The following GAS2L3 variants were observed in gnomAD, a reference collection of about 807,000 sequenced individuals.
The protein encoded by GAS2L3 is growth arrest specific 2 like 3.
A neutral mutation model predicts 37.0 loss-of-function variants in GAS2L3; 28 were observed. The ratio of observed to expected loss-of-function variants is 0.76; its 90% CI spans 0.56 to 1.04. The LOEUF (loss-of-function observed/expected upper bound fraction) is 1.04. Ranked by LOEUF, GAS2L3 falls within the 50% of genes least tolerant of loss-of-function variation. GAS2L3 has a pLI of 0.00. For missense variants in GAS2L3, 793 were observed against 817.6 expected (o/e 0.97, Z 0.37); for synonymous variants, 290 against 296.6 (o/e 0.98, Z 0.23).
chr12:100,600,316 T>A lies in GAS2L3; in HGVS notation c.19-66T>A, dbSNP rs1372383467. On this transcript the variant is annotated intron_variant, in intron 3 of 9. Coordinates refer to ENST00000547754, the MANE Select transcript of GAS2L3 (RefSeq NM_174942.3). ...TTATGCTTCATCATTTAAATATTGA[T>A]GTGGATTATGATGACTTTTAGCAAA... 3.1e-6 allele frequency: 3 copies of A among 960,564 alleles called. No individual in the cohort carries two copies. The East Asian group carries it at 7.2e-5, about 23-fold the overall frequency. The allele number at this position is 960,564 out of a possible 1,614,324, so 59.5% of individuals were successfully genotyped here.
chr12:100,578,371 G>A lies in GAS2L3; in HGVS notation c.-152+4586G>A, dbSNP rs374826869. ...CTGTAAACATATAAATGAGTGAATG[G>A]ATGGATGAATGATAGATGTACAAAG... On this transcript the variant is annotated intron_variant, in intron 1 of 9. Transcript: ENST00000547754. 3.0e-4 allele frequency among the ~76,000 whole-genome samples: 45 copies of A among 152,320 alleles called. 1 individual carries two copies. The highest frequency in any genetic ancestry group is 1.0e-3 in the African/African-American group (43 of 41,568).
intron 6 of GAS2L3, among the ~76,000 whole-genome samples, chr12:100,613,997 A>G (rs757199768): frequency 6.6e-6 from 1 of 152,166 alleles, no homozygotes; most frequent in Non-Finnish European, 1.5e-5. Flanking sequence ...TTCTAACTTT[A>G]AGGACTGCAA....
At chr12:100,602,965 T>C (rs1218511316) in intron 5 of GAS2L3, among the ~76,000 whole-genome samples, 1 of 152,190 alleles carries the variant, frequency 6.6e-6, no homozygotes, top group Non-Finnish European at 1.5e-5. Flanking sequence ...TTGTTGCAAA[T>C]GACAGGATCT....
At chr12:100,615,388 T>TCTAGATA (rs1422486186) in intron 6 of GAS2L3, among the ~76,000 whole-genome samples, 2 of 152,178 alleles carry the variant, frequency 1.3e-5, no homozygotes, top group African/African-American at 4.8e-5. Context: ...CTTTATATAT[T>TCTAGATA]CTAGATACTA....
At chr12:100,588,349 T>C (rs1350709802) in intron 1 of GAS2L3, among the ~76,000 whole-genome samples, 2 of 152,210 alleles carry the variant, frequency 1.3e-5, no homozygotes, top group Non-Finnish European at 2.9e-5. Flanking sequence ...GATGCCCTCC[T>C]GAGTCTCAGA....
rs539110113 is a variant in GAS2L3, at chr12:100,594,156, A to T, written c.-30-719A>T. On this transcript the variant is annotated intron_variant, in intron 2 of 9. Coordinates refer to ENST00000547754, the MANE Select transcript of GAS2L3 (RefSeq NM_174942.3). Reference sequence around the variant, plus strand: ...ATTATGCTGCTATGAGCAATAAAAAATCCTAGGTTTTTATAGTCTATACTG... The same window carrying T: ...ATTATGCTGCTATGAGCAATAAAAATTCCTAGGTTTTTATAGTCTATACTG... 5.9e-5 allele frequency among the ~76,000 whole-genome samples: 9 copies of T among 152,196 alleles called. No homozygotes were observed. In the East Asian group the frequency reaches 1.5e-3, roughly 26 times the overall value.
rs924814666 is a variant in GAS2L3, at chr12:100,624,747, A to T, written c.1942A>T (p.Ser648Cys). 5.6e-6 allele frequency: 9 copies of T among 1,613,924 alleles called. No individual in the cohort carries two copies. Among genetic ancestry groups the T allele is most frequent in the Non-Finnish European group, 7.6e-6 (9 of 1,180,010 alleles). ...GCATTCAACTAAAGGGCCTCCCAGA[A>T]GTGGCAAAACCCCAGCTTCAATCAG... ...SQHSTKGPPR[S>C]GKTPASIRKP... The change falls in exon 10 of 10, where the codon AGT (serine) becomes TGT (cysteine). Residue 648 changes from serine to cysteine, a missense_variant. Ser to Cys is a moderately radical substitution (Grantham distance 112). Coordinates refer to ENST00000547754, the MANE Select transcript of GAS2L3 (RefSeq NM_174942.3).
In GAS2L3 at chr12:100,594,879, G is replaced by T; in HGVS notation, c.-26G>T. ...AATATTTTGTTCTTTTTTCAGAAAAGAAATTTCATTTCAATATAGGTGACT... is the reference window on the plus strand; with the variant it reads ...AATATTTTGTTCTTTTTTCAGAAAATAAATTTCATTTCAATATAGGTGACT... On this transcript the variant is annotated 5_prime_UTR_variant, in exon 3 of 10. Coordinates refer to ENST00000547754, the MANE Select transcript of GAS2L3 (RefSeq NM_174942.3). The T allele has an allele frequency of 7.8e-7, 1 of 1,284,236 alleles. No individual in the cohort carries two copies. Among genetic ancestry groups the T allele is most frequent in the East Asian group, 2.7e-5 (1 of 36,656 alleles). The allele number at this position is 1,284,236 out of a possible 1,614,324, so 79.6% of individuals were successfully genotyped here. A position where few individuals can be genotyped will look rare whatever the true frequency, so the allele number is the denominator to read the frequency against.
chr12:100,575,476 ATTTTT>A (rs58446699), intron 1 of GAS2L3, among the ~76,000 whole-genome samples: 60 of 88,788 alleles, frequency 6.8e-4, no homozygotes, highest in Non-Finnish European at 8.5e-4. Context: ...TGTTATCTCT[ATTTTT>A]TTTTTTTTTT....
chr12:100,604,508 G>A (rs1361122726), intron 5 of GAS2L3, among the ~76,000 whole-genome samples: 2 of 122,978 alleles, frequency 1.6e-5, no homozygotes, highest in African/African-American at 6.4e-5. Context: ...GGGTCTTTAG[G>A]TTTTTCTAAC....
At chr12:100,580,830 T>C (rs1955702129) in intron 1 of GAS2L3, among the ~76,000 whole-genome samples, 1 of 152,216 alleles carries the variant, frequency 6.6e-6, no homozygotes, top group Non-Finnish European at 1.5e-5. Flanking sequence ...GGACCAGAAA[T>C]GCATTAACTC....
At chr12:100,599,380 G>A (rs1955955283) in intron 3 of GAS2L3, among the ~76,000 whole-genome samples, 1 of 152,184 alleles carries the variant, frequency 6.6e-6, no homozygotes, top group African/African-American at 2.4e-5. Context: ...TAGAGTGTCA[G>A]TTTTTATTCT....
intron 5 of GAS2L3, chr12:100,610,922 G>C (rs1343758860): frequency 6.6e-6 from 1 of 150,716 alleles, no homozygotes; most frequent in East Asian, 1.9e-4. Context: ...GTCTCCTCAA[G>C]AAACTCAGAA....
At position 100,580,134 on chromosome 12, in the gene GAS2L3, G is replaced by A. The variant is rs182155527; in HGVS notation, c.-152+6349G>A. On this transcript the variant is annotated intron_variant, in intron 1 of 9. Coordinates refer to ENST00000547754, the MANE Select transcript of GAS2L3 (RefSeq NM_174942.3). Reference sequence around the variant, plus strand: ...ATGCCACTGGGCCAAGGGGTGCCTGGACTCATAAATGTTCTCACAGTAAAA... The same window carrying A: ...ATGCCACTGGGCCAAGGGGTGCCTGAACTCATAAATGTTCTCACAGTAAAA... 2,380 of 837,230 alleles carry A rather than the reference G, an allele frequency of 2.8e-3. 9 individuals carry two copies. Among genetic ancestry groups the A allele is most frequent in the Non-Finnish European group, 4.1e-3 (1,944 of 472,126 alleles). 51.9% of individuals were successfully genotyped at this position (837,230 alleles called of 1,614,324 possible). A position where few individuals can be genotyped will look rare whatever the true frequency, so the allele number is the denominator to read the frequency against.
Position 100,618,723 on chromosome 12 carries a change from C to T in GAS2L3, c.648+136C>T. The T allele has an allele frequency of 8.9e-6, 6 of 671,784 alleles. No homozygotes were observed. The South Asian group carries it at 1.5e-4, about 17-fold the overall frequency. The allele number at this position is 671,784 out of a possible 1,614,324, so 41.6% of individuals were successfully genotyped here. On this transcript the variant is annotated intron_variant, in intron 8 of 9. Coordinates refer to ENST00000547754, the MANE Select transcript of GAS2L3 (RefSeq NM_174942.3). ...TCAGAATATAAACCGGTACTATTCT[C>T]CATTCTCTGATGAATTCAGGGCATT...
intron 3 of GAS2L3, among the ~76,000 whole-genome samples, chr12:100,599,114 C>G (rs1202937521): frequency 6.6e-6 from 1 of 152,154 alleles, no homozygotes; most frequent in Admixed American, 6.5e-5. Flanking sequence ...ACTCTCCATT[C>G]CAAGCCACCC....
chr12:100,588,051 C>A (rs1029053675), intron 1 of GAS2L3, among the ~76,000 whole-genome samples: 1 of 151,276 alleles, frequency 6.6e-6, no homozygotes, highest in African/African-American at 2.4e-5. Flanking sequence ...GACTCCATCT[C>A]AAAAAAATAA....
intron 2 of GAS2L3, 197 bp from the exon 3 acceptor site, chr12:100,594,677 CT>C: frequency 6.8e-6 from 2 of 294,526 alleles, no homozygotes; most frequent in Non-Finnish European, 6.7e-6. Flanking sequence ...TCAGGTTTTC[CT>C]TTTTCAAATG....
intron 5 of GAS2L3, among the ~76,000 whole-genome samples, chr12:100,603,045 C>T (rs551021967): frequency 6.6e-6 from 1 of 152,264 alleles, no homozygotes; most frequent in East Asian, 1.9e-4. Context: ...TAGTCATCTA[C>T]TGATGGACTT....
Sources: gnomAD v4.1 joint callset for allele counts (sites outside exome capture counted in the v4.1 genomes callset) on GRCh38, gnomAD v4.1.1 for gene constraint, MANE v1.5 for transcripts, NCBI Gene and HGNC (gene_info 2026-07-23, HGNC 2026-07-21) for gene names.